The following GNPTAB variants were observed in gnomAD, a reference collection of about 807,000 sequenced individuals.
GNPTAB encodes the protein N-acetylglucosamine-1-phosphotransferase subunits alpha/beta.
In GNPTAB, 92 loss-of-function variants were observed where a neutral mutation model predicts 136.6. The observed-to-expected ratio is 0.67, with a 90% confidence interval of 0.57 to 0.80. GNPTAB has a LOEUF of 0.80. GNPTAB is among the 30% of genes least tolerant of loss of function. The probability of loss-of-function intolerance (pLI) is 0.00; values close to 1 mark genes in which losing one functional copy is unlikely to be tolerated. For synonymous variants in GNPTAB, 512 were observed against 535.1 expected (o/e 0.96, Z 0.60); for missense variants, 1,343 against 1,501.8 (o/e 0.89, Z 1.75).
chr12:101,775,218 T>C (rs1953244285), intron 7 of GNPTAB, among the ~76,000 whole-genome samples: 1 of 152,222 alleles, frequency 6.6e-6, no homozygotes, highest in African/African-American at 2.4e-5. Flanking sequence ...ATTCAGAAGG[T>C]GTAATCTACT....
rs1953123276 is a variant in GNPTAB, at chr12:101,768,244, G to C, written c.1285-84C>G. The C allele has an allele frequency of 1.4e-5, 21 of 1,467,020 alleles. No individual in the cohort carries two copies. The South Asian group carries it at 2.4e-4, about 17-fold the overall frequency. The allele number at this position is 1,467,020 out of a possible 1,614,324, so 90.9% of individuals were successfully genotyped here. A position where few individuals can be genotyped will look rare whatever the true frequency, so the allele number is the denominator to read the frequency against. ...TGAGTTAAGATTCCCTTTATAAAAA[G>C]AAATTAAGTCTCTAGAAAGATTAAA... is the stretch of plus-strand genomic sequence containing the variant. On this transcript the variant is annotated intron_variant, in intron 10 of 20. Coordinates refer to ENST00000299314, the MANE Select transcript of GNPTAB (RefSeq NM_024312.5).
intron 2 of GNPTAB, chr12:101,796,462 G>C: frequency 1.6e-6 from 1 of 621,010 alleles, no homozygotes; most frequent in Non-Finnish European, 2.9e-6. Context: ...TTGCACAGGG[G>C]CCACACTAAT....
intron 19 of GNPTAB, among the ~76,000 whole-genome samples, chr12:101,752,381 T>G (rs566705950): frequency 1.3e-5 from 2 of 152,288 alleles, no homozygotes; most frequent in South Asian, 4.1e-4. Flanking sequence ...GTAGACATCA[T>G]GCCACTGCAC....
At chr12:101,779,784 G>T (rs765157280) in intron 7 of GNPTAB, 140 of 280,124 alleles carry the variant, frequency 5.0e-4, no homozygotes, top group Admixed American at 7.8e-4. Context: ...CCCAGCAGCT[G>T]TAATGTCACC....
At chr12:101,771,246 C>CA in intron 7 of GNPTAB, 89 bp from the exon 8 acceptor site, 4 of 877,246 alleles carry the variant, frequency 4.6e-6, no homozygotes, top group Non-Finnish European at 7.0e-6. Flanking sequence ...TTAATCTTTC[C>CA]TTTTTTTTTT....
In GNPTAB at chr12:101,747,217, A is replaced by G; in HGVS notation, c.3718T>C (p.Phe1240Leu). Residue 1240 changes from phenylalanine to leucine, a missense_variant, in exon 21 of 21, where the codon TTT (phenylalanine) becomes CTT (leucine). By Grantham distance (22) the Phe-to-Leu change is conservative. Transcript: ENST00000299314. ...TCTTTGTGTATCCTCCTTCTGGGAA[A>G]TATCTTCCGCTTAAGTGCAATTAAC... is the stretch of plus-strand genomic sequence containing the variant. Reference protein sequence around the residue: ...EQLIALKRKIFPRRRIHKEAS... With the variant: ...EQLIALKRKILPRRRIHKEAS... 6.3e-7 allele frequency: 1 copy of G among 1,591,746 alleles called. No homozygotes were observed. The highest frequency in any genetic ancestry group is 8.6e-7 in the Non-Finnish European group (1 of 1,159,616).
chr12:101,790,188 T>G lies in GNPTAB; in HGVS notation c.204-131A>C, dbSNP rs547381329. The G allele has an allele frequency of 2.7e-5, 34 of 1,243,958 alleles. No homozygotes were observed. In the African/African-American group the frequency reaches 4.8e-4, roughly 17 times the overall value. 77.1% of individuals were successfully genotyped at this position (1,243,958 alleles called of 1,614,324 possible). On this transcript the variant is annotated intron_variant, in intron 2 of 20. Coordinates refer to ENST00000299314, the MANE Select transcript of GNPTAB (RefSeq NM_024312.5). ...AAGAAGTAATCCAACCATGACATAT[T>G]ATCACAGAACTGCATGTTTTCAAAC...
chr12:101,756,466 C>CA (rs1457471046), intron 18 of GNPTAB: 2 of 397,060 alleles, frequency 5.0e-6, no homozygotes, highest in Non-Finnish European at 9.9e-6. Flanking sequence ...TTCCACTAGT[C>CA]AGGAGGCTGA....
intron 20 of GNPTAB, among the ~76,000 whole-genome samples, chr12:101,747,698 C>T (rs905402092): frequency 6.6e-6 from 1 of 151,868 alleles, no homozygotes; most frequent in African/African-American, 2.4e-5. Flanking sequence ...ACATAAGACA[C>T]CACGGTTTGA....
At chr12:101,787,351 T>C (rs1868712216) in intron 4 of GNPTAB, among the ~76,000 whole-genome samples, 1 of 151,962 alleles carries the variant, frequency 6.6e-6, no homozygotes, top group South Asian at 2.1e-4. Flanking sequence ...TACATACATA[T>C]AATTACATAA....
At chr12:101,753,672 TG>T (rs1952856264) in intron 18 of GNPTAB, 133 bp from the exon 19 acceptor site, 1 of 756,816 alleles carries the variant, frequency 1.3e-6, no homozygotes, top group Non-Finnish European at 2.3e-6. Flanking sequence ...TATGATTCTC[TG>T]GGGGAATGAT....
At chr12:101,762,915 A>AG (rs963107400) in intron 13 of GNPTAB, among the ~76,000 whole-genome samples, 6 of 150,872 alleles carry the variant, frequency 4.0e-5, no homozygotes, top group East Asian at 1.9e-4. Flanking sequence ...AAAAAAAAAA[A>AG]AAAAAAAAAG....
intron 19 of GNPTAB, among the ~76,000 whole-genome samples, chr12:101,749,956 TG>T (rs1015459908): frequency 6.6e-6 from 1 of 152,150 alleles, no homozygotes; most frequent in African/African-American, 2.4e-5. Context: ...GGGGTATGTG[TG>T]ACATAATCAG....
chr12:101,807,400 A>C (rs992396761), intron 1 of GNPTAB, among the ~76,000 whole-genome samples: 7 of 152,308 alleles, frequency 4.6e-5, no homozygotes, highest in Non-Finnish European at 8.8e-5. Flanking sequence ...TCCCATCACC[A>C]TTCTTATTCA....
At chr12:101,824,836 G>A (rs1049352913) in intron 1 of GNPTAB, among the ~76,000 whole-genome samples, 1 of 152,106 alleles carries the variant, frequency 6.6e-6, no homozygotes, top group Non-Finnish European at 1.5e-5. Flanking sequence ...TCTGTCACTT[G>A]CAACCTAGTG....
At chr12:101,796,510 T>C (rs1188890830) in intron 2 of GNPTAB, 167 bp downstream of exon 2, 6 of 624,622 alleles carry the variant, frequency 9.6e-6, no homozygotes, top group East Asian at 2.7e-5. Flanking sequence ...TCCTTTTTTT[T>C]AGTATATGTG....
chr12:101,809,090 T>C (rs992447419), intron 1 of GNPTAB, among the ~76,000 whole-genome samples: 56 of 151,988 alleles, frequency 3.7e-4, no homozygotes, highest in African/African-American at 1.3e-3. Context: ...AATTCAACAA[T>C]AAGGAAACAA....
chr12:101,827,574 C>T (rs917268245), intron 1 of GNPTAB, among the ~76,000 whole-genome samples: 15 of 152,156 alleles, frequency 9.9e-5, no homozygotes, highest in Non-Finnish European at 1.9e-4. Flanking sequence ...TTCTACTTCT[C>T]GAAGTTTGGA....
chr12:101,764,567 T>C lies in GNPTAB; in HGVS notation c.2350A>G (p.Arg784Gly). ...ILPNSLGVSERLQRLTFPAVS... is the reference protein window; with the variant it reads ...ILPNSLGVSEGLQRLTFPAVS... ...GCAGGAAAAGTCAACCTCTGCAATC[T>C]TTCAGACACTCCTAAGCTGTTTGGC... Residue 784 changes from arginine to glycine, a missense_variant, in exon 13 of 21, where the codon AGA (arginine) becomes GGA (glycine). Transcript: ENST00000299314. 1 of 1,613,644 alleles carries C rather than the reference T, an allele frequency of 6.2e-7. No homozygotes were observed. Among genetic ancestry groups the C allele is most frequent in the Non-Finnish European group, 8.5e-7 (1 of 1,179,906 alleles).
Sources: gnomAD v4.1 joint callset for allele counts (sites outside exome capture counted in the v4.1 genomes callset) on GRCh38, gnomAD v4.1.1 for gene constraint, MANE v1.5 for transcripts, NCBI Gene and HGNC (gene_info 2026-07-23, HGNC 2026-07-21) for gene names.